The following WDR1 variants were observed in gnomAD, a reference collection of about 807,000 sequenced individuals.
The protein encoded by WDR1 is WD repeat-containing protein 1.
Under a neutral mutation model 71.9 loss-of-function variants are expected in WDR1, and 21 were observed. The ratio of observed to expected loss-of-function variants is 0.29; its 90% CI spans 0.21 to 0.42. WDR1 has a LOEUF of 0.42. Ranked by LOEUF, WDR1 falls within the 10% of genes least tolerant of loss-of-function variation. The pLI is 1.00. For synonymous variants in WDR1, 424 were observed against 347.4 expected (o/e 1.22, Z -2.45); for missense variants, 696 against 824.5 (o/e 0.84, Z 1.91).
rs578015894 is a variant in WDR1, at chr4:10,081,475, G to T, written c.1197-31C>A. ...AGAGAGAAAGGAAGCACATTACTTC[G>T]ACAATGCAGCAGCTCAGGGTAGGTA... On this transcript the variant is annotated intron_variant, in intron 10 of 14. Coordinates refer to ENST00000499869, the MANE Select transcript of WDR1 (RefSeq NM_017491.5). The T allele has an allele frequency of 1.3e-5, 21 of 1,602,396 alleles. No individual in the cohort carries two copies. In the South Asian group the frequency reaches 2.2e-4, roughly 17 times the overall value.
At position 10,114,566 on chromosome 4, in the gene WDR1, C is replaced by G. The variant is rs187637619; in HGVS notation, c.138+1547G>C. On this transcript the variant is annotated intron_variant, in intron 2 of 14. Coordinates refer to ENST00000499869, the MANE Select transcript of WDR1 (RefSeq NM_017491.5). Reference sequence around the variant, plus strand: ...ACGACAGGGAAGGCCTGGTTAGGGGCAAAACGAAATATCCTACTGCTCTGT... The same window carrying G: ...ACGACAGGGAAGGCCTGGTTAGGGGGAAAACGAAATATCCTACTGCTCTGT... 1.7e-3 allele frequency among the ~76,000 whole-genome samples: 265 copies of G among 152,316 alleles called. 5 individuals are homozygous for G. Among genetic ancestry groups the G allele is most frequent in the Admixed American group, 0.016 (248 of 15,300 alleles).
chr4:10,097,577 TG>T, intron 5 of WDR1, 133 bp downstream of exon 5: 1 of 1,105,264 alleles, frequency 9.0e-7, no homozygotes, highest in Non-Finnish European at 1.3e-6. Context: ...TGCACACCCC[TG>T]GGAGCCCACT....
intron 11 of WDR1, among the ~76,000 whole-genome samples, chr4:10,080,706 G>A (rs1255646727): frequency 6.6e-6 from 1 of 152,196 alleles, no homozygotes; most frequent in Admixed American, 6.5e-5. Flanking sequence ...GTATAAAGTG[G>A]GTCAGGCTTG....
intron 6 of WDR1, 101 bp from the exon 7 acceptor site, chr4:10,088,474 A>C: frequency 7.9e-7 from 1 of 1,273,192 alleles, no homozygotes; most frequent in Non-Finnish European, 1.1e-6. Context: ...GGGCTCACAG[A>C]CTAAGCTCCC....
intron 2 of WDR1, among the ~76,000 whole-genome samples, chr4:10,107,795 C>T (rs576223051): frequency 3.9e-5 from 6 of 152,292 alleles, no homozygotes; most frequent in East Asian, 1.9e-4. Context: ...GTCACACACG[C>T]GAGCAGACCC....
At chr4:10,100,864 G>T (rs1020635678) in intron 3 of WDR1, among the ~76,000 whole-genome samples, 2 of 152,254 alleles carry the variant, frequency 1.3e-5, no homozygotes, top group African/African-American at 4.8e-5. Context: ...ACACTCAGGA[G>T]CATACATATC....
intron 5 of WDR1, among the ~76,000 whole-genome samples, chr4:10,094,220 A>G (rs1408477424): frequency 6.6e-6 from 1 of 152,214 alleles, no homozygotes; most frequent in Non-Finnish European, 1.5e-5. Context: ...CCATTTCATT[A>G]GACACAAACT....
intron 4 of WDR1, 45 bp from the exon 5 acceptor site, chr4:10,097,936 A>T: frequency 7.1e-7 from 1 of 1,401,938 alleles, no homozygotes. Flanking sequence ...AAAAAAAAAA[A>T]TCAATCCCAG....
intron 8 of WDR1, 119 bp downstream of exon 8, chr4:10,087,588 G>C: frequency 3.1e-6 from 3 of 962,026 alleles, no homozygotes; most frequent in East Asian, 2.6e-5. Context: ...GGCCAAGGAG[G>C]CCTGAGGACA....
chr4:10,099,157 C>CGGGGGGGG lies in WDR1; in HGVS notation c.230-19_230-18insCCCCCCCC. ...AGACACATCTGTGGGGCACAGCGGG[C>CGGGGGGGG]GGGGGAGGGGGGGAGGCGGTGGTGG... On this transcript the variant is annotated intron_variant, in intron 3 of 14. Coordinates refer to ENST00000499869, the MANE Select transcript of WDR1 (RefSeq NM_017491.5). 2 of 226,286 alleles carry CGGGGGGGG rather than the reference C, an allele frequency of 8.8e-6. No individual in the cohort carries two copies. The highest frequency in any genetic ancestry group is 1.4e-4 in the Admixed American group (2 of 14,250). 14.0% of individuals were successfully genotyped at this position (226,286 alleles called of 1,614,324 possible).
intron 12 of WDR1, 129 bp downstream of exon 12, chr4:10,078,762 G>T: frequency 1.4e-6 from 1 of 735,322 alleles, no homozygotes; most frequent in Non-Finnish European, 2.2e-6. Flanking sequence ...CCCACGCCCC[G>T]ACTGCCCCCA....
At chr4:10,103,197 C>T (rs536288404) in intron 3 of WDR1, among the ~76,000 whole-genome samples, 1 of 152,172 alleles carries the variant, frequency 6.6e-6, no homozygotes, top group Admixed American at 6.5e-5. Flanking sequence ...GCCTGGAGGC[C>T]AGCATTGTGG....
chr4:10,101,251 G>T (rs993602136), intron 3 of WDR1, among the ~76,000 whole-genome samples: 9 of 152,250 alleles, frequency 5.9e-5, no homozygotes, highest in Admixed American at 1.3e-4. Context: ...GCTCCCAGGT[G>T]CGCAGCCCTT....
intron 5 of WDR1, chr4:10,092,511 GTCATGT>G: frequency 6.4e-6 from 1 of 155,242 alleles, no homozygotes; most frequent in South Asian, 2.0e-4. Context: ...GCAGGGTGGT[GTCATGT>G]GTCCCTCCCT....
intron 14 of WDR1, 73 bp downstream of exon 14, chr4:10,077,231 G>A (rs1460886096): frequency 6.3e-7 from 1 of 1,585,920 alleles, no homozygotes; most frequent in Admixed American, 1.8e-5. Context: ...GAAGCCAGGG[G>A]ACAGCCTGTG....
chr4:10,100,601 G>C (rs1426592936), intron 3 of WDR1, among the ~76,000 whole-genome samples: 1 of 152,232 alleles, frequency 6.6e-6, no homozygotes, highest in Non-Finnish European at 1.5e-5. Context: ...GGACAGGCAA[G>C]AGGTGATGCC....
At chr4:10,094,006 G>A (rs111232931) in intron 5 of WDR1, among the ~76,000 whole-genome samples, 38 of 152,362 alleles carry the variant, frequency 2.5e-4, no homozygotes, top group African/African-American at 8.9e-4. Context: ...CCAGCCTCAA[G>A]TGGGAGAACT....
intron 2 of WDR1, among the ~76,000 whole-genome samples, chr4:10,106,273 C>A (rs1369982259): frequency 6.6e-6 from 1 of 152,196 alleles, no homozygotes; most frequent in East Asian, 1.9e-4. Context: ...AACTAAGATG[C>A]TGGCTATTTA....
chr4:10,112,864 G>A (rs1713469136), intron 2 of WDR1, among the ~76,000 whole-genome samples: 1 of 152,232 alleles, frequency 6.6e-6, no homozygotes, highest in South Asian at 2.1e-4. Flanking sequence ...GAAAGAGAGG[G>A]GAAAGCCCTG....
Sources: allele counts gnomAD v4.1 joint callset (sites outside exome capture counted in the v4.1 genomes callset), GRCh38; gene constraint gnomAD v4.1.1; transcripts MANE v1.5; gene names NCBI Gene and HGNC (gene_info 2026-07-23, HGNC 2026-07-21).